KLHL32: variants seen among roughly 807,000 people sequenced by gnomAD.
KLHL32 encodes the protein kelch like family member 32.
Under a neutral mutation model 64.8 loss-of-function variants are expected in KLHL32, and 35 were observed. That is an observed-to-expected ratio of 0.54 (90% confidence interval 0.41 to 0.72). The LOEUF (loss-of-function observed/expected upper bound fraction) is 0.72. KLHL32 is among the 30% of genes least tolerant of loss of function. The probability of loss-of-function intolerance (pLI) is 0.00; values close to 1 mark genes in which losing one functional copy is unlikely to be tolerated. For synonymous variants in KLHL32, 259 were observed against 281.0 expected, an observed-to-expected ratio of 0.92 and a Z score of 0.78; for missense variants, 589 against 768.5, an observed-to-expected ratio of 0.77 and a Z score of 2.76.
intron 3 of KLHL32, chr6:96,999,499 C>T: frequency 1.1e-6 from 1 of 951,566 alleles, no homozygotes; most frequent in Non-Finnish European, 1.3e-6. Context: ...TCTGTTTTCA[C>T]CATATTTGAT....
At chr6:96,905,924 ATGAAG>A in the KLHL32 span, among the ~76,000 whole-genome samples, 1 of 152,214 alleles carries the variant, frequency 6.6e-6, no homozygotes, top group East Asian at 1.9e-4. Flanking sequence ...TGGGAAGTAT[ATGAAG>A]TGTCCTTGCT....
At chr6:97,124,311 TC>T (rs1798666983) in intron 7 of KLHL32, among the ~76,000 whole-genome samples, 2 of 152,214 alleles carry the variant, frequency 1.3e-5, no homozygotes, top group African/African-American at 4.8e-5. Context: ...TAATTTTTAC[TC>T]CCAACTAGTA....
chr6:97,097,119 G>A (rs1795090795), intron 6 of KLHL32, among the ~76,000 whole-genome samples: 1 of 152,020 alleles, frequency 6.6e-6, no homozygotes, highest in Admixed American at 6.5e-5. Context: ...ATAAGGGAGG[G>A]AAAAAAACCA....
intron 6 of KLHL32, among the ~76,000 whole-genome samples, chr6:97,089,798 A>G (rs1004869562): frequency 4.6e-5 from 7 of 151,554 alleles, no homozygotes; most frequent in African/African-American, 1.2e-4. Flanking sequence ...AAAAAAAAGA[A>G]CAGTACTTTT....
intron 4 of KLHL32, among the ~76,000 whole-genome samples, chr6:97,054,903 C>G (rs1000025984): frequency 6.6e-6 from 1 of 152,064 alleles, no homozygotes; most frequent in African/African-American, 2.4e-5. Flanking sequence ...CGTGCCACTG[C>G]GCCCCAGCCT....
rs1800536014 is a variant in KLHL32 at position 97,140,228 on chromosome 6, A to G, written c.*946A>G. The G allele has an allele frequency of 8.3e-6, 1 of 120,766 alleles. No individual in the cohort carries two copies. The highest frequency in any genetic ancestry group is 3.1e-5 in the African/African-American group (1 of 32,566). 7.5% of individuals were successfully genotyped at this position (120,766 alleles called of 1,614,324 possible). ...TGTACAGGTATCTAAACTTGCCTCA[A>G]GTAACTCTCAGATGTCTTATTTAAA... On this transcript the variant is annotated 3_prime_UTR_variant, in exon 11 of 11. Transcript: ENST00000369261.
chr6:96,951,360 T>C lies in KLHL32; in HGVS notation c.-65-15636T>C, dbSNP rs990706424. On this transcript the variant is annotated intron_variant, in intron 1 of 10. Coordinates refer to ENST00000369261, the MANE Select transcript of KLHL32 (RefSeq NM_052904.4). ...CTAGTGTCTGTGGCTAGAAGTTGGG[T>C]ACTATAAGGGGACAGCAGCAGGAGG... 2.0e-5 allele frequency among the ~76,000 whole-genome samples: 3 copies of C among 152,062 alleles called. 1 individual carries two copies. The highest frequency in any genetic ancestry group is 2.0e-4 in the Admixed American group (3 of 15,274).
intron 10 of KLHL32, among the ~76,000 whole-genome samples, chr6:97,134,389 G>A (rs1043125202): frequency 5.3e-5 from 8 of 152,082 alleles, no homozygotes; most frequent in Admixed American, 1.3e-4. Context: ...CCTGTCTTTC[G>A]GATAACAACA....
chr6:96,929,462 T>C (rs1769578937), intron 1 of KLHL32, among the ~76,000 whole-genome samples: 1 of 152,214 alleles, frequency 6.6e-6, no homozygotes, highest in Non-Finnish European at 1.5e-5. Flanking sequence ...CTGCTTATTA[T>C]TTCAGAATTG....
intron 6 of KLHL32, among the ~76,000 whole-genome samples, chr6:97,111,114 C>T (rs1173311104): frequency 6.6e-6 from 1 of 152,112 alleles, no homozygotes; most frequent in Non-Finnish European, 1.5e-5. Flanking sequence ...TGAGGAGTGG[C>T]CTTGGCCAGA....
chr6:97,114,575 A>G lies in KLHL32; in HGVS notation c.1354+66A>G, dbSNP rs760119596. 18 of 1,576,698 alleles carry G rather than the reference A, an allele frequency of 1.1e-5. No homozygotes were observed. In the East Asian group the frequency reaches 3.8e-4, roughly 33 times the overall value. On this transcript the variant is annotated intron_variant, in intron 7 of 10. Coordinates refer to ENST00000369261, the MANE Select transcript of KLHL32 (RefSeq NM_052904.4). Reference sequence around the variant, plus strand: ...CATTGTGGTATATATTTAAAAGTCAAGCTTTAATACTGTGGCCATGTGTAA... The same window carrying G: ...CATTGTGGTATATATTTAAAAGTCAGGCTTTAATACTGTGGCCATGTGTAA...
intron 3 of KLHL32, among the ~76,000 whole-genome samples, chr6:97,009,203 T>A (rs558390422): frequency 2.0e-3 from 307 of 151,510 alleles, no homozygotes; most frequent in Non-Finnish European, 3.4e-3. Context: ...GGTGATGGTA[T>A]CTAGTTTTCA....
chr6:96,986,164 C>G (rs113702720), intron 3 of KLHL32, among the ~76,000 whole-genome samples: 1,734 of 152,254 alleles, frequency 0.011, 44 homozygotes, highest in African/African-American at 0.04. Context: ...CTGGGTATCA[C>G]CAGTGGAGGC....
intron 3 of KLHL32, among the ~76,000 whole-genome samples, chr6:96,980,891 TCA>T (rs1776224373): frequency 6.6e-6 from 1 of 151,918 alleles, no homozygotes; most frequent in African/African-American, 2.4e-5. Context: ...TTTAATTGAC[TCA>T]CAGTTCTACA....
At chr6:96,974,399 A>G (rs772630410) in intron 2 of KLHL32, among the ~76,000 whole-genome samples, 17 of 152,210 alleles carry the variant, frequency 1.1e-4, no homozygotes, top group Non-Finnish European at 2.1e-4. Flanking sequence ...TAGACTTTGC[A>G]TAGAAACTTG....
intron 1 of KLHL32, among the ~76,000 whole-genome samples, chr6:96,957,448 A>G (rs1445113690): frequency 6.6e-6 from 1 of 152,084 alleles, no homozygotes; most frequent in African/African-American, 2.4e-5. Context: ...TCATACAAAT[A>G]ATTTCTGTAC....
chr6:97,083,504 C>T (rs1470857488), intron 5 of KLHL32, among the ~76,000 whole-genome samples: 1 of 152,178 alleles, frequency 6.6e-6, no homozygotes, highest in Non-Finnish European at 1.5e-5. Context: ...CCTCCACCGC[C>T]CTTGCTCTTC....
At chr6:96,973,356 T>A (rs1582535962) in intron 2 of KLHL32, among the ~76,000 whole-genome samples, 1 of 152,220 alleles carries the variant, frequency 6.6e-6, no homozygotes, top group East Asian at 1.9e-4. Context: ...GGCACTATAT[T>A]TGGAAAACTT....
Position 97,114,407 on chromosome 6 carries a change from C to A in KLHL32, c.1252C>A (p.Arg418=). 14 of 1,614,172 alleles carry A rather than the reference C, an allele frequency of 8.7e-6. No individual in the cohort carries two copies. Among genetic ancestry groups the A allele is most frequent in the Non-Finnish European group, 1.2e-5 (14 of 1,180,044 alleles). The change falls in exon 7 of 11, where the codon CGA becomes AGA. Residue 418 remains arginine, a synonymous_variant. Coordinates refer to ENST00000369261, the MANE Select transcript of KLHL32 (RefSeq NM_052904.4). The stretch of plus-strand genomic sequence containing the variant: ...GCGCCAGGTTCTGCCTACAGTTGAG[C>A]GATATTGCCCCAAGAAGAACAAATG... ...ELRQVLPTVE[R]YCPKKNKWTF... is the part of the protein sequence containing the mutation.
Sources: allele counts gnomAD v4.1 joint callset (sites outside exome capture counted in the v4.1 genomes callset), GRCh38; gene constraint gnomAD v4.1.1; transcripts MANE v1.5; gene names NCBI Gene and HGNC (gene_info 2026-07-23, HGNC 2026-07-21).